Variants in SGSM1 observed in about 807,000 individuals in gnomAD.
SGSM1 encodes the protein RUN and TBC1 domain containing 2.
A neutral mutation model predicts 133.8 loss-of-function variants in SGSM1; 73 were observed. That is an observed-to-expected ratio of 0.55 (90% CI 0.45 to 0.66). SGSM1 has a LOEUF of 0.66. SGSM1 is among the 30% of genes least tolerant of loss of function. The probability of loss-of-function intolerance (pLI) is 0.00; values close to 1 mark genes in which losing one functional copy is unlikely to be tolerated. For synonymous variants in SGSM1, 563 were observed against 573.0 expected (o/e 0.98, Z 0.25); for missense variants, 1,213 against 1,448.1 (o/e 0.84, Z 2.64).
intron 16 of SGSM1, among the ~76,000 whole-genome samples, chr22:24,892,147 C>T (rs76283880): frequency 0.098 from 14,944 of 152,006 alleles, 962 homozygotes; most frequent in African/African-American, 0.19. Flanking sequence ...AACCCTGGCC[C>T]AGGATGGCAC....
rs780924490 is a variant in SGSM1, at chr22:24,919,931, T to A, written c.3131T>A (p.Val1044Asp). ...TTCATTGCGCTGGCTCTGGTGGAAG[T>A]CTACCGTGACATCATTTTGGAGAAC... ...VLFIALALVE[V>D]YRDIILENNM... The change falls in exon 24 of 25, where the codon GTC becomes GAC. Residue 1044 changes from valine (V) to aspartate (D), a missense_variant. By Grantham distance (152) the Val-to-Asp change is radical. Transcript: ENST00000400358. 1.2e-6 allele frequency: 2 copies of A among 1,613,890 alleles called. No homozygotes were observed. Among genetic ancestry groups the A allele is most frequent in the African/African-American group, 2.7e-5 (2 of 75,064 alleles).
At chr22:24,868,101 C>A (rs546573091) in intron 10 of SGSM1, among the ~76,000 whole-genome samples, 1 of 152,046 alleles carries the variant, frequency 6.6e-6, no homozygotes, top group African/African-American at 2.4e-5. Flanking sequence ...TTCTAGGGGG[C>A]GTCTTTTTCC....
chr22:24,853,473 G>A (rs1930594150), intron 5 of SGSM1, among the ~76,000 whole-genome samples: 1 of 152,200 alleles, frequency 6.6e-6, no homozygotes, highest in South Asian at 2.1e-4. Flanking sequence ...CACAAACATT[G>A]TGTTGATGGT....
intron 2 of SGSM1, among the ~76,000 whole-genome samples, chr22:24,831,312 G>A (rs1356200368): frequency 2.0e-5 from 3 of 152,054 alleles, no homozygotes; most frequent in African/African-American, 7.2e-5. Flanking sequence ...GGCCAGCCCT[G>A]CGGGGAGTTC....
intron 2 of SGSM1, among the ~76,000 whole-genome samples, chr22:24,815,129 T>G (rs1420662715): frequency 6.6e-6 from 1 of 152,238 alleles, no homozygotes; most frequent in African/African-American, 2.4e-5. Context: ...TGCACAATTT[T>G]GCAGGAACTC....
chr22:24,824,401 T>C (rs1175064474), intron 2 of SGSM1, among the ~76,000 whole-genome samples: 1 of 152,092 alleles, frequency 6.6e-6, no homozygotes, highest in East Asian at 1.9e-4. Flanking sequence ...TGTAGGGCTG[T>C]GGCACCGTCT....
At chr22:24,843,204 G>A (rs919240115) in intron 2 of SGSM1, among the ~76,000 whole-genome samples, 4 of 152,266 alleles carry the variant, frequency 2.6e-5, no homozygotes, top group African/African-American at 7.2e-5. Flanking sequence ...TGCAGGCAAT[G>A]CCCAGCTTGG....
intron 22 of SGSM1, among the ~76,000 whole-genome samples, chr22:24,914,656 ACT>A (rs1415173111): frequency 1.3e-5 from 2 of 151,964 alleles, no homozygotes; most frequent in African/African-American, 4.8e-5. Flanking sequence ...ACAGCATACA[ACT>A]CTGTTTCTTT....
At chr22:24,855,136 C>T (rs1229724510) in intron 6 of SGSM1, 73 bp downstream of exon 6, 3 of 1,560,786 alleles carry the variant, frequency 1.9e-6, no homozygotes, top group Non-Finnish European at 2.6e-6. Flanking sequence ...CTCCAGGACT[C>T]TCTCACCCCT....
intron 13 of SGSM1, among the ~76,000 whole-genome samples, chr22:24,877,407 G>A (rs572310003): frequency 1.3e-4 from 20 of 152,274 alleles, no homozygotes; most frequent in Non-Finnish European, 2.8e-4. Flanking sequence ...ATTATATAAA[G>A]TTAAATCTCA....
intron 5 of SGSM1, among the ~76,000 whole-genome samples, chr22:24,853,769 ATTTTTTT>A (rs57736929): frequency 0.12 from 14,677 of 123,428 alleles, 888 homozygotes; most frequent in South Asian, 0.29. Context: ...CGCCTGGTGA[ATTTTTTT>A]TTTTTTTTTT....
intron 21 of SGSM1, among the ~76,000 whole-genome samples, chr22:24,907,911 CAAAAAA>C (rs796505229): frequency 3.5e-5 from 2 of 57,074 alleles, no homozygotes; most frequent in East Asian, 4.8e-4. Context: ...GACGCCATCT[CAAAAAA>C]AAAAAAAAAA....
intron 14 of SGSM1, among the ~76,000 whole-genome samples, chr22:24,880,353 C>T (rs146968007): frequency 4.7e-4 from 71 of 152,214 alleles, no homozygotes; most frequent in African/African-American, 1.6e-3. Flanking sequence ...AGGCTGGTCT[C>T]GAACTCCTGA....
At chr22:24,922,783 C>T (rs1183590192) in intron 24 of SGSM1, among the ~76,000 whole-genome samples, 1 of 152,186 alleles carries the variant, frequency 6.6e-6, no homozygotes, top group African/African-American at 2.4e-5. Context: ...GCCCATGGCA[C>T]TTACTTTCTG....
At chr22:24,823,780 C>G (rs183153383) in intron 2 of SGSM1, among the ~76,000 whole-genome samples, 1 of 150,232 alleles carries the variant, frequency 6.7e-6, no homozygotes, top group Non-Finnish European at 1.5e-5. Flanking sequence ...CAAGGTGGTG[C>G]GTACCTATAG....
intron 9 of SGSM1, among the ~76,000 whole-genome samples, chr22:24,865,164 A>G (rs1444397154): frequency 6.6e-6 from 1 of 152,224 alleles, no homozygotes; most frequent in Non-Finnish European, 1.5e-5. Flanking sequence ...CGGGCATTCC[A>G]GTGCTCAGCA....
At position 24,876,573 on chromosome 22, in the gene SGSM1, A is replaced by G; in HGVS notation, c.1292-4A>G. The G allele has an allele frequency of 6.2e-7, 1 of 1,613,918 alleles. No homozygotes were observed. The highest frequency in any genetic ancestry group is 8.5e-7 in the Non-Finnish European group (1 of 1,179,882). Reference sequence around the variant, plus strand: ...TCTTCTGCCCCTCCTTCTATCCACCACAGTGCCCCAGGATCTGATGGACGT... The same window carrying G: ...TCTTCTGCCCCTCCTTCTATCCACCGCAGTGCCCCAGGATCTGATGGACGT... On this transcript the variant is annotated splice_polypyrimidine_tract_variant and splice_region_variant and intron_variant, in intron 12 of 24. Coordinates refer to ENST00000400358, the MANE Select transcript of SGSM1 (RefSeq NM_001098497.3).
At chr22:24,850,658 T>G (rs916491344) in intron 5 of SGSM1, among the ~76,000 whole-genome samples, 6 of 152,230 alleles carry the variant, frequency 3.9e-5, no homozygotes, top group African/African-American at 1.4e-4. Context: ...TTCCTTCTCC[T>G]GTGGATTACT....
chr22:24,914,518 G>T (rs555844244), intron 22 of SGSM1, among the ~76,000 whole-genome samples: 2 of 151,276 alleles, frequency 1.3e-5, no homozygotes, highest in Non-Finnish European at 2.9e-5. Flanking sequence ...CATTATTCGT[G>T]TACCCCTTCT....
Sources: allele counts gnomAD v4.1 joint callset (sites outside exome capture counted in the v4.1 genomes callset), GRCh38; gene constraint gnomAD v4.1.1; transcripts MANE v1.5; gene names NCBI Gene and HGNC (gene_info 2026-07-23, HGNC 2026-07-21).